Variants in ADGRB1 observed in about 807,000 individuals in gnomAD.
The protein encoded by ADGRB1 is adhesion G protein-coupled receptor B1.
A neutral mutation model predicts 175.7 loss-of-function variants in ADGRB1; 36 were observed. The ratio of observed to expected loss-of-function variants is 0.20; its 90% confidence interval spans 0.16 to 0.27. The LOEUF (loss-of-function observed/expected upper bound fraction) is 0.27. Ranked by LOEUF, ADGRB1 falls within the 10% of genes least tolerant of loss-of-function variation. The pLI is 1.00. For synonymous variants in ADGRB1, 1,054 were observed against 979.4 expected, an observed-to-expected ratio of 1.08 and a Z score of -1.42; for missense variants, 1,731 against 2,255.3, an observed-to-expected ratio of 0.77 and a Z score of 4.71.
chr8:142,479,257 G>T, intron 7 of ADGRB1, 66 bp from the exon 8 acceptor site: 1 of 1,407,162 alleles, frequency 7.1e-7, no homozygotes, highest in Non-Finnish European at 9.2e-7. Flanking sequence ...GTGTCCTCCT[G>T]TCACTGTGGC....
At chr8:142,499,124 C>A (rs998085554) in intron 17 of ADGRB1, among the ~76,000 whole-genome samples, 2 of 152,250 alleles carry the variant, frequency 1.3e-5, no homozygotes, top group Admixed American at 6.5e-5. Context: ...TCCAGGCAGG[C>A]CCCTCACTGG....
Position 142,458,366 on chromosome 8 carries a change from G to A in ADGRB1, c.-219-5614G>A, listed in dbSNP as rs148552071. On this transcript the variant is annotated intron_variant, in intron 1 of 30. Coordinates refer to ENST00000517894, the MANE Select transcript of ADGRB1 (RefSeq NM_001702.3). ...GCAGTCTGCACAGGCCCAGGATGGCGGCGGGAGGCGGGTGCAGTGCCTCTC... is the reference window on the plus strand; with the variant it reads ...GCAGTCTGCACAGGCCCAGGATGGCAGCGGGAGGCGGGTGCAGTGCCTCTC... Among the ~76,000 whole-genome samples, 393 of 152,288 alleles carry A rather than the reference G, an allele frequency of 2.6e-3. 1 individual carries two copies. Among genetic ancestry groups the A allele is most frequent in the African/African-American group, 6.8e-3 (283 of 41,562 alleles).
In ADGRB1 at chr8:142,542,578, T is replaced by C. The variant is rs1275764624; in HGVS notation, c.4344T>C (p.His1448=). 3.3e-6 allele frequency: 5 copies of C among 1,511,954 alleles called. No individual in the cohort carries two copies. In the Admixed American group the frequency reaches 1.0e-4, roughly 31 times the overall value. The allele number at this position is 1,511,954 out of a possible 1,614,324, so 93.7% of individuals were successfully genotyped here. The change falls in exon 28 of 31, where the codon CAT becomes CAC. Residue 1448 remains histidine (H), a synonymous_variant. Coordinates refer to ENST00000517894, the MANE Select transcript of ADGRB1 (RefSeq NM_001702.3). The surrounding 1 kb of genome is among the most constrained non-coding windows in gnomAD (Gnocchi z 6.3). ...SLGDPGEPAA[H]PGPSTGPSTK... ...GGGATCCCGGGGAGCCTGCCGCCCA[T>C]CCGGGACCCAGCACGGGGCCCAGCA...
chr8:142,535,948 G>A (rs1003205312), intron 25 of ADGRB1, among the ~76,000 whole-genome samples: 1 of 152,214 alleles, frequency 6.6e-6, no homozygotes, highest in African/African-American at 2.4e-5. Flanking sequence ...CCTCTGACCA[G>A]CTGTGTGGCC....
At chr8:142,524,214 G>T in intron 22 of ADGRB1, 24 bp from the exon 23 acceptor site, 1 of 1,593,720 alleles carries the variant, frequency 6.3e-7, no homozygotes. Context: ...CACGGGCGGT[G>T]CTGATGGCCT....
intron 6 of ADGRB1, 63 bp from the exon 7 acceptor site, chr8:142,478,123 AT>A (rs1587294275): frequency 1.3e-6 from 2 of 1,551,624 alleles, no homozygotes; most frequent in East Asian, 4.9e-5. Flanking sequence ...TCACACCCAC[AT>A]TCCAAGCCAG....
intron 17 of ADGRB1, among the ~76,000 whole-genome samples, chr8:142,491,251 C>T (rs1054278973): frequency 3.9e-5 from 6 of 152,246 alleles, no homozygotes; most frequent in Admixed American, 6.5e-5. Context: ...CAGATGGGGG[C>T]GTGGGCCCCT....
At chr8:142,457,076 G>T (rs1839721264) in intron 1 of ADGRB1, among the ~76,000 whole-genome samples, 1 of 152,190 alleles carries the variant, frequency 6.6e-6, no homozygotes, top group African/African-American at 2.4e-5. Flanking sequence ...GTGGCTTGGG[G>T]TGATGAGCCC....
intron 2 of ADGRB1, among the ~76,000 whole-genome samples, chr8:142,475,217 A>T (rs906202916): frequency 1.3e-5 from 2 of 152,168 alleles, no homozygotes; most frequent in African/African-American, 4.8e-5. Context: ...TCCCTTCATC[A>T]TCCTGGCGGC....
At chr8:142,515,563 C>T (rs1015614932) in intron 18 of ADGRB1, among the ~76,000 whole-genome samples, 4 of 152,210 alleles carry the variant, frequency 2.6e-5, no homozygotes, top group African/African-American at 7.2e-5. Context: ...CTTACTCGGC[C>T]GCCTGTGACC....
At position 142,510,916 on chromosome 8, in the gene ADGRB1, T is replaced by TTCCC; in HGVS notation, c.2676-16_2676-15insTCCC. 27 of 969,592 alleles carry TTCCC rather than the reference T, an allele frequency of 2.8e-5. No individual in the cohort carries two copies. The highest frequency in any genetic ancestry group is 3.2e-5 in the Non-Finnish European group (25 of 789,178). The allele number at this position is 969,592 out of a possible 1,614,324, so 60.1% of individuals were successfully genotyped here. On this transcript the variant is annotated splice_polypyrimidine_tract_variant and intron_variant, in intron 17 of 30. Transcript: ENST00000517894. This position sits in a 1 kb window ranked among gnomAD's most constrained non-coding sequence, Gnocchi z 6.3. ...ACGCTCCGCCTGTCTCCCTCCCGTG[T>TTCCC]CCCGCCCGCCCCCAGACCCTCCTCC...
intron 17 of ADGRB1, among the ~76,000 whole-genome samples, chr8:142,508,072 A>C (rs937217886): frequency 1.6e-4 from 24 of 152,036 alleles, no homozygotes; most frequent in Admixed American, 5.2e-4. Flanking sequence ...GTCTGGCTGC[A>C]TGCCCCCTCC....
intron 17 of ADGRB1, among the ~76,000 whole-genome samples, chr8:142,501,666 G>T (rs868237512): frequency 3.3e-4 from 45 of 135,770 alleles, no homozygotes; most frequent in African/African-American, 8.5e-4. Flanking sequence ...GGTGGTGGTA[G>T]TGATGTTTGT....
intron 18 of ADGRB1, among the ~76,000 whole-genome samples, chr8:142,516,383 G>A (rs35665724): frequency 0.59 from 70,928 of 120,750 alleles, 24,323 homozygotes; most frequent in Non-Finnish European, 0.75. Flanking sequence ...AGGTGCGTGC[G>A]TCTGTGTGGG....
Position 142,542,495 on chromosome 8 carries a change from C to T in ADGRB1, c.4261C>T (p.Pro1421Ser). The stretch of plus-strand genomic sequence containing the variant: ...ACCGCCTCCGCCCCCACCGCCACCA[C>T]CTCCCCAGCAGCCCCTGCCCCCACC... ...PPPPPPPPPP[P>S]PQQPLPPPPN... is the part of the protein sequence containing the mutation. The change falls in exon 28 of 31, where the codon CCT becomes TCT. Residue 1421 changes from proline to serine, a missense_variant. By Grantham distance (74) the Pro-to-Ser change is moderately conservative (BLOSUM62 -1). Transcript: ENST00000517894. This position sits in a 1 kb window ranked among gnomAD's most constrained non-coding sequence, Gnocchi z 6.3. 7.4e-7 allele frequency: 1 copy of T among 1,355,544 alleles called. No individual in the cohort carries two copies. The highest frequency in any genetic ancestry group is 9.6e-7 in the Non-Finnish European group (1 of 1,042,810). The allele number at this position is 1,355,544 out of a possible 1,614,324, so 84.0% of individuals were successfully genotyped here.
In ADGRB1 at chr8:142,542,125, G is replaced by A; in HGVS notation, c.3891G>A (p.Gly1297=). ...HLHGSPRYPG[G]PLPDFPNHSL... is the part of the protein sequence containing the mutation. ...ACGGCTCACCCCGCTATCCCGGCGG[G>A]CCCCTGCCCGACTTCCCCAACCACT... Residue 1297 remains glycine (G), a synonymous_variant, in exon 28 of 31, where the codon GGG becomes GGA. Coordinates refer to ENST00000517894, the MANE Select transcript of ADGRB1 (RefSeq NM_001702.3). This position sits in a 1 kb window ranked among gnomAD's most constrained non-coding sequence, Gnocchi z 6.3. 2 of 1,613,526 alleles carry A rather than the reference G, an allele frequency of 1.2e-6. No homozygotes were observed. Among genetic ancestry groups the A allele is most frequent in the Non-Finnish European group, 8.5e-7 (1 of 1,179,822 alleles).
chr8:142,467,851 G>T (rs867797055), intron 2 of ADGRB1, among the ~76,000 whole-genome samples: 2 of 152,246 alleles, frequency 1.3e-5, no homozygotes, highest in Non-Finnish European at 2.9e-5. Context: ...AATGAGAACT[G>T]GGGTGAAGTG....
At chr8:142,486,086 A>G (rs1563702368) in intron 13 of ADGRB1, among the ~76,000 whole-genome samples, 1 of 152,190 alleles carries the variant, frequency 6.6e-6, no homozygotes, top group African/African-American at 2.4e-5. Context: ...GAACGTTTAC[A>G]GGACACATTC....
chr8:142,541,531 C>G (rs755778530), intron 27 of ADGRB1, among the ~76,000 whole-genome samples: 12 of 152,188 alleles, frequency 7.9e-5, no homozygotes, highest in Admixed American at 7.8e-4. Context: ...GGCCCAGGGC[C>G]GTGGGCGTCG....
Sources: gnomAD v4.1 joint callset for allele counts (sites outside exome capture counted in the v4.1 genomes callset) on GRCh38, gnomAD v4.1.1 for gene constraint, Gnocchi (gnomAD v3.1) non-coding constraint, MANE v1.5 for transcripts, NCBI Gene and HGNC (gene_info 2026-07-23, HGNC 2026-07-21) for gene names.